Variants in VWCE observed in about 807,000 individuals in gnomAD.
VWCE encodes von Willebrand factor C and EGF domain-containing protein.
Under a neutral mutation model 102.9 loss-of-function variants are expected in VWCE, and 68 were observed. The ratio of observed to expected loss-of-function variants is 0.66; its 90% CI spans 0.54 to 0.81. VWCE has a LOEUF of 0.81. VWCE is among the 30% of genes least tolerant of loss of function. The probability of loss-of-function intolerance (pLI) is 0.00; values close to 1 mark genes in which losing one functional copy is unlikely to be tolerated. For missense variants in VWCE, 1,137 were observed against 1,263.6 expected, an observed-to-expected ratio of 0.90 and a Z score of 1.52; for synonymous variants, 497 against 515.4, an observed-to-expected ratio of 0.96 and a Z score of 0.48.
At chr11:61,259,456 T>C (rs1160269635) in intron 19 of VWCE, 144 bp from the exon 20 acceptor site, 3 of 1,072,340 alleles carry the variant, frequency 2.8e-6, no homozygotes, top group African/African-American at 3.2e-5. Context: ...AGCTCCTGCC[T>C]CCAGGAAGGG....
At position 61,290,864 on chromosome 11, in the gene VWCE, T is replaced by G; in HGVS notation, c.359A>C (p.Glu120Ala). 6.3e-7 allele frequency: 1 copy of G among 1,589,290 alleles called. No homozygotes were observed. The highest frequency in any genetic ancestry group is 8.6e-7 in the Non-Finnish European group (1 of 1,166,440). Reference sequence around the variant, plus strand: ...GCCCACGGGGCACACTCGGGCCACCTCCTGACAGCCTCCATGGTTGCAGGT... The same window carrying G: ...GCCCACGGGGCACACTCGGGCCACCGCCTGACAGCCTCCATGGTTGCAGGT... Reference protein sequence around the residue: ...DLTCNHGGCQEVARVCPVGFS... With the variant: ...DLTCNHGGCQAVARVCPVGFS... The change falls in exon 4 of 20, where the codon GAG becomes GCG. Residue 120 changes from glutamate (E) to alanine (A), a missense_variant. By Grantham distance (107) the Glu-to-Ala change is moderately radical (BLOSUM62 -1). Around this residue, in one of 5 missense-constraint regions of VWCE, gnomAD observed 575 missense variants for 625.9 expected, o/e 0.92. Transcript: ENST00000335613.
chr11:61,264,684 C>T, intron 18 of VWCE, 107 bp from the exon 19 acceptor site: 9 of 1,252,974 alleles, frequency 7.2e-6, no homozygotes, highest in Non-Finnish European at 1.0e-5. Flanking sequence ...CGGAAAGATC[C>T]CAGGACAGAG....
Position 61,281,933 on chromosome 11 carries a change from G to A in VWCE, c.659-19C>T, listed in dbSNP as rs1161454592. 1 of 1,605,598 alleles carries A rather than the reference G, an allele frequency of 6.2e-7. No individual in the cohort carries two copies. The highest frequency in any genetic ancestry group is 1.7e-5 in the Admixed American group (1 of 59,588). On this transcript the variant is annotated intron_variant, in intron 6 of 19. Coordinates refer to ENST00000335613, the MANE Select transcript of VWCE (RefSeq NM_152718.2). ...TTTACATCTGCGGGAGAGCCTCGCT[G>A]CGGACAGCTGCTTTGTTTGGGCTAC...
intron 4 of VWCE, 79 bp from the exon 5 acceptor site, chr11:61,286,509 AG>A: frequency 7.1e-7 from 1 of 1,404,712 alleles, no homozygotes; most frequent in Non-Finnish European, 1.0e-6. Flanking sequence ...CTGGGAAGAA[AG>A]CACCCTTGCA....
At chr11:61,292,370 T>G (rs1855533159) in intron 1 of VWCE, among the ~76,000 whole-genome samples, 1 of 152,186 alleles carries the variant, frequency 6.6e-6, no homozygotes, top group African/African-American at 2.4e-5. Context: ...CTCCACAACA[T>G]TTACTTCCTG....
In VWCE at chr11:61,280,831, G is replaced by T; in HGVS notation, c.1192C>A (p.Arg398Ser). 1 of 1,562,300 alleles carries T rather than the reference G, an allele frequency of 6.4e-7. No homozygotes were observed. The highest frequency in any genetic ancestry group is 8.7e-7 in the Non-Finnish European group (1 of 1,154,878). Residue 398 changes from arginine (R) to serine (S), a missense_variant, in exon 8 of 20, where the codon CGC becomes AGC. Coordinates refer to ENST00000335613, the MANE Select transcript of VWCE (RefSeq NM_152718.2). ...HLGAMHESRS[R>S]WTEPGCSQCW... is the part of the protein sequence containing the mutation. ...TGGGAACACCCAGGCTCTGTCCAGC[G>T]ACTCCTTGATTCATGCATGGCTCCC...
chr11:61,271,554 C>T, intron 14 of VWCE, 121 bp downstream of exon 14: 1 of 869,328 alleles, frequency 1.2e-6, no homozygotes. Context: ...AACTTGACAG[C>T]ACCGGAGGGA....
rs1009290779 is a variant in VWCE at position 61,267,279 on chromosome 11, A to C, written c.1965+183T>G. Among the ~76,000 whole-genome samples the C allele has an allele frequency of 2.0e-5, 3 of 152,094 alleles. No individual in the cohort carries two copies. In the South Asian group the frequency reaches 6.2e-4, roughly 32 times the overall value. ...AGGCTCCATCTCAAAAACAAACAAA[A>C]AAAATTTCTCTGGCCCTGTCTAAAG... On this transcript the variant is annotated intron_variant, in intron 16 of 19. Coordinates refer to ENST00000335613, the MANE Select transcript of VWCE (RefSeq NM_152718.2).
intron 4 of VWCE, among the ~76,000 whole-genome samples, chr11:61,288,629 G>A (rs138560462): frequency 6.6e-6 from 1 of 152,236 alleles, no homozygotes; most frequent in East Asian, 1.9e-4. Flanking sequence ...CCTTGGTTCC[G>A]TTTGCCTCTG....
chr11:61,280,598 T>C (rs1327109236), intron 9 of VWCE, 26 bp downstream of exon 9: 3 of 1,610,154 alleles, frequency 1.9e-6, no homozygotes, highest in South Asian at 1.1e-5. Context: ...GGCAGGACTA[T>C]GTCCTTCCCT....
intron 16 of VWCE, 86 bp from the exon 17 acceptor site, chr11:61,265,298 G>T (rs1206389690): frequency 2.4e-5 from 29 of 1,201,030 alleles, no homozygotes; most frequent in Non-Finnish European, 3.2e-5. Context: ...TAGCCACTGA[G>T]TGTCCATCAG....
chr11:61,267,528 G>A lies in VWCE; in HGVS notation c.1899C>T (p.Gly633=). 1 of 1,614,170 alleles carries A rather than the reference G, an allele frequency of 6.2e-7. No homozygotes were observed. Among genetic ancestry groups the A allele is most frequent in the Non-Finnish European group, 8.5e-7 (1 of 1,180,030 alleles). The change falls in exon 16 of 20, where the codon GGC becomes GGT. Residue 633 remains glycine (G), a synonymous_variant. Coordinates refer to ENST00000335613, the MANE Select transcript of VWCE (RefSeq NM_152718.2). ...PDCSAGCTYT[G]RIFYNNETFP... is the part of the protein sequence containing the mutation. ...AGGTCTCGTTGTTATAGAAGATTCTGCCTGTGTAGGTGCAGCCTGCCAGAG... is the reference window on the plus strand; with the variant it reads ...AGGTCTCGTTGTTATAGAAGATTCTACCTGTGTAGGTGCAGCCTGCCAGAG...
intron 5 of VWCE, among the ~76,000 whole-genome samples, chr11:61,284,025 G>A (rs760007948): frequency 3.3e-5 from 5 of 152,150 alleles, no homozygotes; most frequent in Non-Finnish European, 7.3e-5. Context: ...CAAGACCAAC[G>A]TTGGGCAGGG....
At chr11:61,268,686 T>C (rs1006269850) in intron 15 of VWCE, among the ~76,000 whole-genome samples, 1 of 152,216 alleles carries the variant, frequency 6.6e-6, no homozygotes, top group Non-Finnish European at 1.5e-5. Flanking sequence ...GTCTCACAGG[T>C]GCAGCTCCTG....
chr11:61,278,511 C>T (rs1855004779), intron 9 of VWCE, 35 bp from the exon 10 acceptor site: 1 of 1,604,930 alleles, frequency 6.2e-7, no homozygotes, highest in African/African-American at 1.3e-5. Flanking sequence ...AGGCATCAGA[C>T]CTCTTCAAAG....
At chr11:61,283,085 G>A (rs1184605383) in intron 5 of VWCE, among the ~76,000 whole-genome samples, 180 bp from the exon 6 acceptor site, 1 of 152,018 alleles carries the variant, frequency 6.6e-6, no homozygotes, top group African/African-American at 2.4e-5. Flanking sequence ...ACCAGCCCAC[G>A]TCTCTCATCC....
rs368245375 is a variant in VWCE at position 61,273,184 on chromosome 11, C to A, written c.1699+15G>T. The A allele has an allele frequency of 2.9e-5, 46 of 1,613,624 alleles. No individual in the cohort carries two copies. The highest frequency in any genetic ancestry group is 3.9e-5 in the Non-Finnish European group (46 of 1,179,698). ...TATCCATGCCCTGTGTCGGGGCAGCCCTGGACCAGCTCACCTGTCGAGGGT... is the reference window on the plus strand; with the variant it reads ...TATCCATGCCCTGTGTCGGGGCAGCACTGGACCAGCTCACCTGTCGAGGGT... On this transcript the variant is annotated intron_variant, in intron 13 of 19. Coordinates refer to ENST00000335613, the MANE Select transcript of VWCE (RefSeq NM_152718.2).
intron 15 of VWCE, 30 bp from the exon 16 acceptor site, chr11:61,267,574 G>C (rs376151599): frequency 3.7e-4 from 600 of 1,609,450 alleles, no homozygotes; most frequent in Admixed American, 5.3e-4. Context: ...CTGAGCACCA[G>C]CTGGGAGTGG....
intron 1 of VWCE, among the ~76,000 whole-genome samples, chr11:61,292,902 G>A (rs1032606914): frequency 2.6e-5 from 4 of 151,992 alleles, no homozygotes; most frequent in Admixed American, 2.0e-4. Flanking sequence ...GAGGTCAGGA[G>A]TTTGAGACCA....
Sources: allele counts gnomAD v4.1 joint callset (sites outside exome capture counted in the v4.1 genomes callset), GRCh38; gene constraint gnomAD v4.1.1; regional missense constraint gnomAD v4.1.1; transcripts MANE v1.5; gene names NCBI Gene and HGNC (gene_info 2026-07-23, HGNC 2026-07-21).